EPHA6: variants seen among roughly 807,000 people sequenced by gnomAD.
The protein encoded by EPHA6 is EPH receptor A6, also known as ephrin type-A receptor 6.
In EPHA6, 50 loss-of-function variants were observed where a neutral mutation model predicts 112.0. The observed-to-expected ratio is 0.45, with a 90% CI of 0.36 to 0.56. The LOEUF is 0.56. Ranked by LOEUF, EPHA6 falls within the 20% of genes least tolerant of loss-of-function variation. The pLI, the probability that EPHA6 is intolerant of heterozygous loss-of-function variation, is 0.00. For missense variants in EPHA6, 1,280 were observed against 1,417.4 expected (o/e 0.90, Z 1.56); for synonymous variants, 529 against 490.7 (o/e 1.08, Z -1.03).
chr3:97,183,862 C>T (rs967567283), intron 3 of EPHA6, among the ~76,000 whole-genome samples: 2 of 152,080 alleles, frequency 1.3e-5, no homozygotes, highest in African/African-American at 4.8e-5. Context: ...TCTGCAGAAG[C>T]TGATATGCCT....
chr3:97,053,896 C>T (rs890659280), intron 3 of EPHA6, among the ~76,000 whole-genome samples: 1 of 152,000 alleles, frequency 6.6e-6, no homozygotes, highest in African/African-American at 2.4e-5. Flanking sequence ...GAGAAACGCT[C>T]AAATTATATA....
At chr3:96,908,008 C>G (rs2039024681) in intron 2 of EPHA6, among the ~76,000 whole-genome samples, 1 of 151,924 alleles carries the variant, frequency 6.6e-6, no homozygotes, top group Non-Finnish European at 1.5e-5. Flanking sequence ...TGGTACACAT[C>G]TAGGCTATAT....
chr3:96,895,522 T>C (rs2038219891), intron 2 of EPHA6, among the ~76,000 whole-genome samples: 1 of 152,186 alleles, frequency 6.6e-6, no homozygotes, highest in Admixed American at 6.5e-5. Flanking sequence ...TATAGTACCT[T>C]ACAGGAATGT....
intron 4 of EPHA6, among the ~76,000 whole-genome samples, chr3:97,231,685 G>C (rs1211844141): frequency 6.6e-6 from 1 of 152,164 alleles, no homozygotes; most frequent in East Asian, 1.9e-4. Flanking sequence ...TTCCTCTGAG[G>C]TCTGAGGGAG....
At chr3:97,275,851 A>G (rs2080058299) in intron 5 of EPHA6, among the ~76,000 whole-genome samples, 1 of 151,864 alleles carries the variant, frequency 6.6e-6, no homozygotes, top group Admixed American at 6.6e-5. Flanking sequence ...TGACAGGAGG[A>G]TGCAAAGGAG....
chr3:97,295,841 T>C (rs1056887973), intron 5 of EPHA6, among the ~76,000 whole-genome samples: 5 of 152,140 alleles, frequency 3.3e-5, no homozygotes, highest in South Asian at 2.1e-4. Flanking sequence ...GTGGTTTTCA[T>C]TGGAGGCTGT....
intron 14 of EPHA6, among the ~76,000 whole-genome samples, chr3:97,691,238 A>G (rs1304314238): frequency 6.6e-6 from 1 of 152,222 alleles, no homozygotes; most frequent in Non-Finnish European, 1.5e-5. Flanking sequence ...TCTAAAATCA[A>G]TTGACCATAA....
chr3:97,102,361 C>CCTACAGAA (rs893959329), intron 3 of EPHA6, among the ~76,000 whole-genome samples: 1 of 151,996 alleles, frequency 6.6e-6, no homozygotes, highest in African/African-American at 2.4e-5. Flanking sequence ...AAACTCCTGA[C>CCTACAGAA]CTACAGAACT....
intron 13 of EPHA6, among the ~76,000 whole-genome samples, chr3:97,612,875 C>T (rs301925): frequency 1 from 152,029 of 152,204 alleles, 75,927 homozygotes; most frequent in Middle Eastern, 1. Flanking sequence ...AGAATAGTGC[C>T]TGACATATTG....
At chr3:97,615,790 C>G (rs572714634) in intron 13 of EPHA6, among the ~76,000 whole-genome samples, 197 of 152,300 alleles carry the variant, frequency 1.3e-3, no homozygotes, top group African/African-American at 4.7e-3. Context: ...CAGCCACCCC[C>G]TCCTGTGTTC....
Position 96,814,855 on chromosome 3 carries a change from C to T in EPHA6, c.232C>T (p.Arg78Cys), listed in dbSNP as rs757900775. 13 of 1,562,690 alleles carry T rather than the reference C, an allele frequency of 8.3e-6. No individual in the cohort carries two copies. In the African/African-American group the frequency reaches 1.2e-4, roughly 15 times the overall value. ...DPHPTQNTCL[R>C]CRHFSLRERK... ...CCATCCTACCCAGAACACCTGCCTG[C>T]GCTGCCGCCACTTCTCTTTAAGGGA... The change falls in exon 1 of 18, where the codon CGC becomes TGC. Residue 78 changes from arginine (R) to cysteine (C), a missense_variant. By Grantham distance (180) the Arg-to-Cys change is radical (BLOSUM62 -3). Transcript: ENST00000389672.
intron 5 of EPHA6, among the ~76,000 whole-genome samples, chr3:97,387,050 G>A (rs1427224315): frequency 6.6e-6 from 1 of 152,180 alleles, no homozygotes; most frequent in Non-Finnish European, 1.5e-5. Flanking sequence ...AGAGCAGAGG[G>A]GCCCTCGACC....
intron 14 of EPHA6, among the ~76,000 whole-genome samples, chr3:97,643,440 A>C (rs1312585229): frequency 6.6e-6 from 1 of 152,016 alleles, no homozygotes; most frequent in African/African-American, 2.4e-5. Context: ...CACACATAAC[A>C]ATATTAACTT....
At chr3:97,476,910 T>A (rs2091385197) in intron 8 of EPHA6, among the ~76,000 whole-genome samples, 1 of 151,894 alleles carries the variant, frequency 6.6e-6, no homozygotes, top group African/African-American at 2.4e-5. Flanking sequence ...TTTGGGGGTC[T>A]CTAGTTTTGG....
At chr3:97,649,601 T>A (rs939475230) in intron 14 of EPHA6, among the ~76,000 whole-genome samples, 7 of 152,030 alleles carry the variant, frequency 4.6e-5, no homozygotes, top group African/African-American at 1.2e-4. Flanking sequence ...ATTATCAGAA[T>A]GCTATGATGT....
At chr3:97,089,946 A>G (rs1384659702) in intron 3 of EPHA6, among the ~76,000 whole-genome samples, 1 of 152,142 alleles carries the variant, frequency 6.6e-6, no homozygotes, top group Non-Finnish European at 1.5e-5. Context: ...GGATAAAGCA[A>G]TATAAATCAT....
At chr3:96,970,238 T>TAC (rs370673260) in intron 2 of EPHA6, among the ~76,000 whole-genome samples, 22,376 of 143,854 alleles carry the variant, frequency 0.16, 1,709 homozygotes, top group Admixed American at 0.25. Flanking sequence ...TGCCTCTTCA[T>TAC]ACACACACAC....
chr3:97,517,186 G>T (rs1343981903), intron 10 of EPHA6, among the ~76,000 whole-genome samples: 1 of 152,098 alleles, frequency 6.6e-6, no homozygotes, highest in Non-Finnish European at 1.5e-5. Flanking sequence ...TGTGTAGTAA[G>T]TATATTAATA....
intron 15 of EPHA6, 98 bp from the exon 16 acceptor site, chr3:97,735,827 A>G (rs1160369169): frequency 1.2e-6 from 1 of 841,376 alleles, no homozygotes; most frequent in Non-Finnish European, 1.8e-6. Context: ...TTTCATGCTT[A>G]CCATTATTTT....
Sources: allele counts gnomAD v4.1 joint callset (sites outside exome capture counted in the v4.1 genomes callset), GRCh38; gene constraint gnomAD v4.1.1; transcripts MANE v1.5; gene names NCBI Gene and HGNC (gene_info 2026-07-23, HGNC 2026-07-21).